The following TYW1 variants were observed in gnomAD, a reference collection of about 807,000 sequenced individuals.
TYW1 encodes tRNA-yW synthesizing protein 1 homolog, also known as S-adenosyl-L-methionine-dependent tRNA 4-demethylwyosine synthase TYW1.
In TYW1, 46 loss-of-function variants were observed where a neutral mutation model predicts 96.2. The ratio of observed to expected loss-of-function variants is 0.48; its 90% CI spans 0.38 to 0.61. The LOEUF is 0.61. TYW1 is among the 20% of genes least tolerant of loss of function. TYW1 has a pLI of 0.00. For synonymous variants in TYW1, 274 were observed against 323.0 expected (o/e 0.85, Z 1.63); for missense variants, 684 against 909.6 (o/e 0.75, Z 3.19).
At chr7:67,043,677 A>G (rs376894602) in intron 7 of TYW1, among the ~76,000 whole-genome samples, 350 of 152,286 alleles carry the variant, frequency 2.3e-3, no homozygotes, top group Admixed American at 3.7e-3. Flanking sequence ...TTTCAACCCC[A>G]ATACACTGCC....
chr7:67,035,519 C>G (rs577477283), intron 7 of TYW1, among the ~76,000 whole-genome samples: 1 of 152,126 alleles, frequency 6.6e-6, no homozygotes, highest in Non-Finnish European at 1.5e-5. Flanking sequence ...AGATTTGTTG[C>G]GGTCCTTAGA....
Position 67,055,890 on chromosome 7 carries a change from A to G in TYW1, c.1155+3A>G, listed in dbSNP as rs1795499890. 2 of 1,610,500 alleles carry G rather than the reference A, an allele frequency of 1.2e-6. No homozygotes were observed. The highest frequency in any genetic ancestry group is 1.3e-5 in the African/African-American group (1 of 74,784). ...TGAAGCTTTGCAGGTGGACAAAGGT[A>G]TTTTTTTTGTTTTTATTCAATATGT... is the stretch of plus-strand genomic sequence containing the variant. On this transcript the variant is annotated splice_donor_region_variant and intron_variant, in intron 9 of 15. Coordinates refer to ENST00000359626, the MANE Select transcript of TYW1 (RefSeq NM_018264.4).
At chr7:67,115,742 G>T in intron 12 of TYW1, among the ~76,000 whole-genome samples, 1 of 152,188 alleles carries the variant, frequency 6.6e-6, no homozygotes, top group East Asian at 1.9e-4. Flanking sequence ...GATTGATAAG[G>T]CTGCTACTGA....
At chr7:67,139,266 G>T (rs1427786635) in intron 13 of TYW1, among the ~76,000 whole-genome samples, 1 of 152,188 alleles carries the variant, frequency 6.6e-6, no homozygotes, top group Non-Finnish European at 1.5e-5. Context: ...TGGCCAGGCT[G>T]GTCTCCAACT....
chr7:67,030,340 A>G (rs1584482206), intron 7 of TYW1, among the ~76,000 whole-genome samples: 1 of 152,132 alleles, frequency 6.6e-6, no homozygotes, highest in East Asian at 1.9e-4. Flanking sequence ...CAAAGGTCAG[A>G]TATATATGGC....
At chr7:67,170,292 G>C (rs34317556) in intron 13 of TYW1, among the ~76,000 whole-genome samples, 42,731 of 152,010 alleles carry the variant, frequency 0.28, 6,530 homozygotes, top group African/African-American at 0.4. Flanking sequence ...TTGATCTTCA[G>C]TTTTATCCTT....
At chr7:67,100,870 G>T (rs928904560) in intron 12 of TYW1, among the ~76,000 whole-genome samples, 12 of 112,902 alleles carry the variant, frequency 1.1e-4, no homozygotes, top group Non-Finnish European at 1.5e-4. Context: ...AAAAAAAAAA[G>T]AGTTAAAGAA....
intron 13 of TYW1, among the ~76,000 whole-genome samples, chr7:67,139,231 C>T (rs909501421): frequency 1.4e-4 from 22 of 152,148 alleles, no homozygotes; most frequent in African/African-American, 3.4e-4. Context: ...TTTGTATTTT[C>T]AGTAGAGATG....
intron 9 of TYW1, among the ~76,000 whole-genome samples, chr7:67,058,606 C>T (rs1317434549): frequency 6.6e-6 from 1 of 152,088 alleles, no homozygotes; most frequent in African/African-American, 2.4e-5. Context: ...TCCTCAGCCT[C>T]CCAAGTAGTG....
Position 67,043,895 on chromosome 7 carries a change from T to C in TYW1, c.985-6054T>C, listed in dbSNP as rs528070038. Among the ~76,000 whole-genome samples, 10 of 152,282 alleles carry C rather than the reference T, an allele frequency of 6.6e-5. No homozygotes were observed. In the South Asian group the frequency reaches 2.1e-3, roughly 32 times the overall value. ...CAAAAGCTTTGCGTAATGGTGAAAATTGGTCATTTTAAAACTGAACCATGA... is the reference window on the plus strand; with the variant it reads ...CAAAAGCTTTGCGTAATGGTGAAAACTGGTCATTTTAAAACTGAACCATGA... On this transcript the variant is annotated intron_variant, in intron 7 of 15. Transcript: ENST00000359626.
rs146657206 is a variant in TYW1 at position 67,040,183 on chromosome 7, C to T, written c.985-9766C>T. ...GTGTTGGCCAGGGTAATTTTGAACTCCTGACCTCAAGTGATCCGCCCGCCT... is the reference window on the plus strand; with the variant it reads ...GTGTTGGCCAGGGTAATTTTGAACTTCTGACCTCAAGTGATCCGCCCGCCT... On this transcript the variant is annotated intron_variant, in intron 7 of 15. Coordinates refer to ENST00000359626, the MANE Select transcript of TYW1 (RefSeq NM_018264.4). Among the ~76,000 whole-genome samples, 222 of 152,184 alleles carry T rather than the reference C, an allele frequency of 1.5e-3. 1 individual carries two copies. In the East Asian group the frequency reaches 0.025, roughly 17 times the overall value.
intron 15 of TYW1, among the ~76,000 whole-genome samples, chr7:67,217,286 A>G (rs1163685029): frequency 2.0e-5 from 3 of 152,058 alleles, no homozygotes; most frequent in East Asian, 3.9e-4. Flanking sequence ...CAGTTTGTCT[A>G]TTCTTTCTTT....
intron 14 of TYW1, among the ~76,000 whole-genome samples, chr7:67,194,826 C>A (rs1658413878): frequency 6.8e-6 from 1 of 146,184 alleles, no homozygotes; most frequent in Non-Finnish European, 1.5e-5. Flanking sequence ...TTCATAATTC[C>A]TCAATTATAG....
intron 10 of TYW1, among the ~76,000 whole-genome samples, chr7:67,077,105 C>T (rs1425152030): frequency 2.0e-5 from 3 of 152,090 alleles, no homozygotes; most frequent in Non-Finnish European, 4.4e-5. Flanking sequence ...AATAATATTC[C>T]ATTGTGAATA....
chr7:67,055,089 T>C (rs1399177222), intron 8 of TYW1, among the ~76,000 whole-genome samples: 2 of 152,216 alleles, frequency 1.3e-5, no homozygotes, highest in South Asian at 4.1e-4. Flanking sequence ...TTACTTTTGT[T>C]TTATGGCCCA....
At chr7:67,235,625 C>T (rs1476321149) in intron 15 of TYW1, among the ~76,000 whole-genome samples, 1 of 152,172 alleles carries the variant, frequency 6.6e-6, no homozygotes, top group African/African-American at 2.4e-5. Context: ...GGTGCAGTGG[C>T]TCACGCCTGT....
intron 15 of TYW1, among the ~76,000 whole-genome samples, chr7:67,213,485 A>ACT (rs1176950590): frequency 6.6e-6 from 1 of 151,898 alleles, no homozygotes; most frequent in African/African-American, 2.4e-5. Context: ...CTGTGGTTTG[A>ACT]CTCTTCATTC....
intron 15 of TYW1, among the ~76,000 whole-genome samples, chr7:67,235,538 C>G (rs565237808): frequency 6.6e-6 from 1 of 152,260 alleles, no homozygotes; most frequent in South Asian, 2.1e-4. Context: ...CATCATGTCT[C>G]AAGATGTCAG....
At chr7:67,075,283 A>C (rs1439631233) in intron 10 of TYW1, among the ~76,000 whole-genome samples, 1 of 151,976 alleles carries the variant, frequency 6.6e-6, no homozygotes, top group Admixed American at 6.6e-5. Context: ...ATTCTTTGAA[A>C]TTTTGAATCA....
Sources: gnomAD v4.1 joint callset for allele counts (sites outside exome capture counted in the v4.1 genomes callset) on GRCh38, gnomAD v4.1.1 for gene constraint, MANE v1.5 for transcripts, NCBI Gene and HGNC (gene_info 2026-07-23, HGNC 2026-07-21) for gene names.